The following GPM6A variants were observed in gnomAD, a reference collection of about 807,000 sequenced individuals.
GPM6A encodes the protein neuronal membrane glycoprotein M6-a.
A neutral mutation model predicts 32.1 loss-of-function variants in GPM6A; 7 were observed. The observed-to-expected ratio is 0.22, with a 90% confidence interval of 0.12 to 0.41. The LOEUF (loss-of-function observed/expected upper bound fraction) is 0.41. Ranked by LOEUF, GPM6A falls within the 10% of genes least tolerant of loss-of-function variation. The pLI, the probability that GPM6A is intolerant of heterozygous loss-of-function variation, is 1.00. For synonymous variants in GPM6A, 130 were observed against 123.4 expected, an observed-to-expected ratio of 1.05 and a Z score of -0.35; for missense variants, 235 against 347.2, an observed-to-expected ratio of 0.68 and a Z score of 2.57.
chr4:175,762,564 G>T (rs1732791172), intron 1 of GPM6A, among the ~76,000 whole-genome samples: 1 of 152,012 alleles, frequency 6.6e-6, no homozygotes, highest in Admixed American at 6.6e-5. Context: ...GCAGACAAAG[G>T]ATTTAAATGT....
intron 6 of GPM6A, among the ~76,000 whole-genome samples, chr4:175,638,509 G>A (rs1740947249): frequency 6.6e-6 from 1 of 152,028 alleles, no homozygotes; most frequent in South Asian, 2.1e-4. Flanking sequence ...AGCATAGATT[G>A]CTTAAGAAAT....
chr4:175,984,896 C>T (rs923167645), intron 1 of GPM6A, among the ~76,000 whole-genome samples: 1 of 152,120 alleles, frequency 6.6e-6, no homozygotes, highest in African/African-American at 2.4e-5. Context: ...AATTCCTCCC[C>T]TATTATATAT....
intron 1 of GPM6A, among the ~76,000 whole-genome samples, chr4:175,886,260 A>G (rs112760081): frequency 3.9e-5 from 6 of 152,310 alleles, no homozygotes; most frequent in South Asian, 2.1e-4. Context: ...AAAAGCAACT[A>G]AAGAAAAAAT....
Position 175,799,671 on chromosome 4 carries a change from C to CTTTTTTTTT in GPM6A, c.37+12511_37+12519dup, listed in dbSNP as rs374571140. Among the ~76,000 whole-genome samples, 5 of 122,098 alleles carry CTTTTTTTTT rather than the reference C, an allele frequency of 4.1e-5. 1 individual carries two copies. Among genetic ancestry groups the CTTTTTTTTT allele is most frequent in the Non-Finnish European group, 7.0e-5 (4 of 57,496 alleles). 80.1% of individuals were successfully genotyped at this position (122,098 alleles called of 152,430 possible). ...TCACCCTAAAAGTAGCAAGTGTTTT[C>CTTTTTTTTT]TTTTTTTTTTTTTTGAGACGGAGTC... On this transcript the variant is annotated intron_variant, in intron 1 of 6. Coordinates refer to ENST00000393658, the MANE Select transcript of GPM6A (RefSeq NM_201591.3).
At chr4:175,665,017 A>G (rs535623843) in intron 3 of GPM6A, among the ~76,000 whole-genome samples, 6 of 152,306 alleles carry the variant, frequency 3.9e-5, no homozygotes, top group East Asian at 1.9e-4. Flanking sequence ...GTGTCTCTAA[A>G]CATATCTAAC....
At chr4:175,946,621 G>A (rs553434057) in intron 1 of GPM6A, among the ~76,000 whole-genome samples, 1 of 152,256 alleles carries the variant, frequency 6.6e-6, no homozygotes, top group Admixed American at 6.5e-5. Flanking sequence ...ATGTGAGGCA[G>A]AGCATGTCAA....
rs375366118 is a variant in GPM6A at position 175,939,958 on chromosome 4, A to T, written c.-23+62351T>A. On this transcript the variant is annotated intron_variant, in intron 1 of 7. Transcript: ENST00000280187. ...ACATATAATATTTCTGAGAAAATGCATACATGCCATGAAGATCTTAACATG... is the reference window on the plus strand; with the variant it reads ...ACATATAATATTTCTGAGAAAATGCTTACATGCCATGAAGATCTTAACATG... 2.0e-5 allele frequency among the ~76,000 whole-genome samples: 3 copies of T among 152,206 alleles called. No homozygotes were observed. In the East Asian group the frequency reaches 5.8e-4, roughly 29 times the overall value.
chr4:175,863,758 T>C (rs1736644243), intron 1 of GPM6A, among the ~76,000 whole-genome samples: 1 of 152,194 alleles, frequency 6.6e-6, no homozygotes, highest in Admixed American at 6.5e-5. Flanking sequence ...TCCCAATACT[T>C]TGGGATGCCG....
At chr4:175,748,761 C>T (rs1481314442) in intron 1 of GPM6A, among the ~76,000 whole-genome samples, 1 of 152,136 alleles carries the variant, frequency 6.6e-6, no homozygotes, top group Non-Finnish European at 1.5e-5. Context: ...TTGACTTCTC[C>T]TCTACAGCTA....
intron 1 of GPM6A, among the ~76,000 whole-genome samples, chr4:175,832,987 A>G (rs1318650043): frequency 6.6e-6 from 1 of 152,214 alleles, no homozygotes; most frequent in African/African-American, 2.4e-5. Flanking sequence ...AGCAGGAAAT[A>G]CAATTGCCAA....
chr4:175,867,601 T>C (rs1409747582), intron 1 of GPM6A, among the ~76,000 whole-genome samples: 1 of 152,202 alleles, frequency 6.6e-6, no homozygotes, highest in Non-Finnish European at 1.5e-5. Context: ...TCTGTTCCAT[T>C]AAACTATTTG....
chr4:175,852,303 G>T (rs757524515), intron 1 of GPM6A, among the ~76,000 whole-genome samples: 1 of 152,046 alleles, frequency 6.6e-6, no homozygotes, highest in African/African-American at 2.4e-5. Flanking sequence ...ATTTTGGAAG[G>T]CTTACATTTT....
At chr4:175,911,959 T>A (rs976185575) in intron 1 of GPM6A, among the ~76,000 whole-genome samples, 2 of 152,156 alleles carry the variant, frequency 1.3e-5, no homozygotes, top group Non-Finnish European at 2.9e-5. Context: ...TGAGGTCATT[T>A]TAACACAACA....
intron 3 of GPM6A, among the ~76,000 whole-genome samples, chr4:175,656,092 C>T (rs2110931231): frequency 6.6e-6 from 1 of 151,950 alleles, no homozygotes; most frequent in Middle Eastern, 3.4e-3. Context: ...ATAAAGTGGC[C>T]TCATTGGCCT....
At chr4:175,707,346 G>A (rs755719402) in intron 1 of GPM6A, among the ~76,000 whole-genome samples, 21 of 152,274 alleles carry the variant, frequency 1.4e-4, no homozygotes, top group Middle Eastern at 6.8e-3. Context: ...TTGATTTGTG[G>A]AGGAAATTGC....
At chr4:175,826,809 AC>A (rs1243815830) in intron 1 of GPM6A, among the ~76,000 whole-genome samples, 3 of 152,132 alleles carry the variant, frequency 2.0e-5, no homozygotes, top group African/African-American at 7.2e-5. Flanking sequence ...TGGAGAGATC[AC>A]TAGCCTTTTA....
intron 2 of GPM6A, among the ~76,000 whole-genome samples, chr4:175,689,363 T>C (rs759747562): frequency 2.0e-5 from 3 of 152,232 alleles, no homozygotes; most frequent in Non-Finnish European, 4.4e-5. Context: ...CATCTATTTG[T>C]GTCTTCTTTA....
chr4:175,842,417 A>G (rs543843814), intron 1 of GPM6A, among the ~76,000 whole-genome samples: 2 of 152,262 alleles, frequency 1.3e-5, no homozygotes, highest in African/African-American at 2.4e-5. Flanking sequence ...GCTCACACAC[A>G]TTACATGGTA....
chr4:175,911,228 G>A (rs543594861), intron 1 of GPM6A, among the ~76,000 whole-genome samples: 2 of 152,040 alleles, frequency 1.3e-5, no homozygotes, highest in African/African-American at 2.4e-5. Context: ...TTGGACAAAA[G>A]GTTTATTACC....
Sources: allele counts gnomAD v4.1 joint callset (sites outside exome capture counted in the v4.1 genomes callset), GRCh38; gene constraint gnomAD v4.1.1; transcripts MANE v1.5; gene names NCBI Gene and HGNC (gene_info 2026-07-23, HGNC 2026-07-21).